The following TSC22D1 variants were observed in gnomAD, a reference collection of about 807,000 sequenced individuals.
TSC22D1 encodes the protein TSC22 domain family member 1, also known as TSC22 domain family protein 1.
A neutral mutation model predicts 74.2 loss-of-function variants in TSC22D1; 9 were observed. The ratio of observed to expected loss-of-function variants is 0.12; its 90% confidence interval spans 0.07 to 0.21. TSC22D1 has a LOEUF of 0.21. Among genes scored for constraint, TSC22D1 ranks in the 10% least tolerant of loss-of-function variants. TSC22D1 has a pLI of 1.00. For missense variants in TSC22D1, 1,427 were observed against 1,304.7 expected (o/e 1.09, Z -1.44); for synonymous variants, 586 against 492.5 (o/e 1.19, Z -2.51).
intron 1 of TSC22D1, among the ~76,000 whole-genome samples, chr13:44,498,143 A>G (rs930589987): frequency 6.6e-6 from 1 of 151,966 alleles, no homozygotes; most frequent in African/African-American, 2.4e-5. Context: ...ACAAAAAAAT[A>G]CAAAATTAGC....
chr13:44,499,185 T>C (rs550511554), intron 1 of TSC22D1, among the ~76,000 whole-genome samples: 3 of 152,224 alleles, frequency 2.0e-5, no homozygotes, highest in Non-Finnish European at 2.9e-5. Flanking sequence ...TTCTCAGGCT[T>C]GCCAAATCAT....
At chr13:44,491,686 G>C (rs930264835) in intron 1 of TSC22D1, among the ~76,000 whole-genome samples, 2 of 152,086 alleles carry the variant, frequency 1.3e-5, no homozygotes, top group African/African-American at 4.8e-5. Context: ...AATATGAACA[G>C]TTTAACAGAT....
chr13:44,545,887 G>C (rs538533535), intron 1 of TSC22D1, among the ~76,000 whole-genome samples: 2 of 152,032 alleles, frequency 1.3e-5, no homozygotes, highest in Admixed American at 1.3e-4. Flanking sequence ...TGAAGCACAA[G>C]AATCACTTGA....
At chr13:44,438,055 T>C (rs189836274) in intron 1 of TSC22D1, among the ~76,000 whole-genome samples, 1 of 152,314 alleles carries the variant, frequency 6.6e-6, no homozygotes, top group East Asian at 1.9e-4. Context: ...GATGCATCAA[T>C]TAAGGCTACA....
intron 1 of TSC22D1, among the ~76,000 whole-genome samples, chr13:44,438,924 T>TA (rs1874963102): frequency 6.6e-6 from 1 of 152,160 alleles, no homozygotes; most frequent in Non-Finnish European, 1.5e-5. Flanking sequence ...AAAAAGGGTA[T>TA]TAAAGCACCA....
chr13:44,570,222 G>A (rs1883666598), intron 1 of TSC22D1, among the ~76,000 whole-genome samples: 1 of 146,974 alleles, frequency 6.8e-6, no homozygotes, highest in African/African-American at 2.6e-5. Flanking sequence ...ACAGGGTCCT[G>A]GTCTGCCACC....
rs113157366 is a variant in TSC22D1, at chr13:44,564,350, C to T, written c.2912+8813G>A. Among the ~76,000 whole-genome samples, 218 of 152,134 alleles carry T rather than the reference C, an allele frequency of 1.4e-3. 1 individual carries two copies. The highest frequency in any genetic ancestry group is 4.8e-3 in the African/African-American group (201 of 41,514). On this transcript the variant is annotated intron_variant, in intron 1 of 2. Transcript: ENST00000458659. The stretch of plus-strand genomic sequence containing the variant: ...TAATCATGAAAACAAAATCTAATTA[C>T]GAACTGTAATAAGCATTATAAAAGA...
intron 1 of TSC22D1, among the ~76,000 whole-genome samples, chr13:44,449,900 T>C (rs1380827227): frequency 1.3e-5 from 2 of 152,154 alleles, no homozygotes; most frequent in Non-Finnish European, 2.9e-5. Context: ...TATTTAACAG[T>C]GAGCACCCAT....
At chr13:44,493,610 C>T (rs748266431) in intron 1 of TSC22D1, among the ~76,000 whole-genome samples, 15 of 152,020 alleles carry the variant, frequency 9.9e-5, no homozygotes, top group Non-Finnish European at 1.5e-4. Flanking sequence ...TATGCATGCC[C>T]GTGGTAGGAT....
rs150100041 is a variant in TSC22D1, at chr13:44,522,925, T to G, written c.2912+50238A>C. Among the ~76,000 whole-genome samples, 267 of 151,684 alleles carry G rather than the reference T, an allele frequency of 1.8e-3. 4 individuals are homozygous for G. In the East Asian group the frequency reaches 0.042, roughly 24 times the overall value. On this transcript the variant is annotated intron_variant, in intron 1 of 2. Coordinates refer to ENST00000458659, the MANE Select transcript of TSC22D1 (RefSeq NM_183422.4). ...GGAGAAAATATTTGTCAAACACATC[T>G]TATAAAGGACTGGTATCTAAAATAT...
At chr13:44,549,753 C>A (rs1431579466) in intron 1 of TSC22D1, among the ~76,000 whole-genome samples, 1 of 147,732 alleles carries the variant, frequency 6.8e-6, no homozygotes, top group African/African-American at 2.5e-5. Flanking sequence ...GGGAACAGGG[C>A]CAAACCCTGC....
chr13:44,446,474 C>G (rs914283432), intron 1 of TSC22D1, among the ~76,000 whole-genome samples: 4 of 152,000 alleles, frequency 2.6e-5, no homozygotes, highest in African/African-American at 9.7e-5. Flanking sequence ...GCAATAAACA[C>G]TGGAGACTCC....
intron 1 of TSC22D1, among the ~76,000 whole-genome samples, chr13:44,441,344 T>C (rs556023547): frequency 2.0e-5 from 3 of 152,310 alleles, no homozygotes; most frequent in South Asian, 4.1e-4. Context: ...ATAGATCTAA[T>C]GGAACAATTA....
chr13:44,494,338 G>A lies in TSC22D1; in HGVS notation c.2913-58243C>T, dbSNP rs1373406782. On this transcript the variant is annotated intron_variant, in intron 1 of 2. Coordinates refer to ENST00000458659, the MANE Select transcript of TSC22D1 (RefSeq NM_183422.4). ...TTGCAGTGAGCCGAGATCACACCAC[G>A]GCACTCCAGCCTGGGTGACAGACCA... Among the ~76,000 whole-genome samples, 4 of 118,514 alleles carry A rather than the reference G, an allele frequency of 3.4e-5. No homozygotes were observed. In the Admixed American group the frequency reaches 3.6e-4, roughly 11 times the overall value. The allele number at this position is 118,514 out of a possible 152,430, so 77.7% of individuals were successfully genotyped here. A position where few individuals can be genotyped will look rare whatever the true frequency, so the allele number is the denominator to read the frequency against.
Position 44,574,405 on chromosome 13 carries a change from T to C in TSC22D1, c.1670A>G (p.Gln557Arg), listed in dbSNP as rs1455159312. 1.2e-6 allele frequency: 2 copies of C among 1,614,244 alleles called. No individual in the cohort carries two copies. The highest frequency in any genetic ancestry group is 1.7e-6 in the Non-Finnish European group (2 of 1,180,046). Residue 557 changes from glutamine to arginine, a missense_variant, in exon 1 of 3, where the codon CAG becomes CGG. Transcript: ENST00000458659. The part of the protein sequence containing the change: ...VQLQSQELSY[Q>R]QKQGLQPVPL... ...TACTGGCTGAAGACCTTGCTTTTGCTGATAGCTCAGTTCTTGAGACTGTAA... is the reference window on the plus strand; with the variant it reads ...TACTGGCTGAAGACCTTGCTTTTGCCGATAGCTCAGTTCTTGAGACTGTAA...
In TSC22D1 at chr13:44,576,232, G is replaced by A. The variant is rs1595187308; in HGVS notation, c.-158C>T. The stretch of plus-strand genomic sequence containing the variant: ...TCAGCCAAAGGCGCCGGTCGCTCCT[G>A]CCTTCGAGAGCGAGCTTCGGAAAGG... On this transcript the variant is annotated 5_prime_UTR_variant, in exon 1 of 3. Transcript: ENST00000458659. The A allele has an allele frequency of 2.8e-6, 3 of 1,075,164 alleles. No homozygotes were observed. The highest frequency in any genetic ancestry group is 5.3e-5 in the East Asian group (2 of 37,614). 66.6% of individuals were successfully genotyped at this position (1,075,164 alleles called of 1,614,324 possible). A position where few individuals can be genotyped will look rare whatever the true frequency, so the allele number is the denominator to read the frequency against.
intron 1 of TSC22D1, among the ~76,000 whole-genome samples, chr13:44,552,498 A>G (rs1186639143): frequency 6.6e-6 from 1 of 152,196 alleles, no homozygotes; most frequent in Non-Finnish European, 1.5e-5. Context: ...ATGCTACCAC[A>G]TAGAAAGTCT....
intron 1 of TSC22D1, among the ~76,000 whole-genome samples, chr13:44,491,214 T>C (rs1220048302): frequency 6.6e-6 from 1 of 151,592 alleles, no homozygotes; most frequent in Admixed American, 6.6e-5. Flanking sequence ...TGAAAAGGCA[T>C]ACCACAAATG....
At chr13:44,567,555 G>C in intron 1 of TSC22D1, among the ~76,000 whole-genome samples, 1 of 150,704 alleles carries the variant, frequency 6.6e-6, no homozygotes, top group East Asian at 1.9e-4. Context: ...AGATAGCTAA[G>C]AAAAAATACT....
Sources: allele counts gnomAD v4.1 joint callset (sites outside exome capture counted in the v4.1 genomes callset), GRCh38; gene constraint gnomAD v4.1.1; transcripts MANE v1.5; gene names NCBI Gene and HGNC (gene_info 2026-07-23, HGNC 2026-07-21).